Variants in GLYATL2 observed in about 807,000 individuals in gnomAD.
GLYATL2 encodes glycine N-acyltransferase-like protein 2.
Under a neutral mutation model 21.4 loss-of-function variants are expected in GLYATL2, and 25 were observed. The ratio of observed to expected loss-of-function variants is 1.17; its 90% CI spans 0.85 to 1.63. The LOEUF (loss-of-function observed/expected upper bound fraction) is 1.63, where lower values mean the gene tolerates loss of function less well. GLYATL2 is among the 40% of genes most tolerant of loss of function. GLYATL2 has a pLI of 0.00. For missense variants in GLYATL2, 361 were observed against 343.3 expected (o/e 1.05, Z -0.41); for synonymous variants, 114 against 118.2 (o/e 0.96, Z 0.23).
At chr11:58,871,720 T>G (rs1422186917) in intron 1 of GLYATL2, among the ~76,000 whole-genome samples, 1 of 152,176 alleles carries the variant, frequency 6.6e-6, no homozygotes, top group Non-Finnish European at 1.5e-5. Context: ...TCTTTGCTAT[T>G]GTGAATAGTG....
At chr11:58,902,427 A>C (rs2134630894) in intron 1 of GLYATL2, among the ~76,000 whole-genome samples, 1 of 152,204 alleles carries the variant, frequency 6.6e-6, no homozygotes, top group South Asian at 2.1e-4. Context: ...GTCCAAATAT[A>C]AATCTCATTC....
chr11:58,907,525 C>G (rs1854930073), upstream of GLYATL2: 1 of 367,820 alleles, frequency 2.7e-6, no homozygotes. Context: ...AAATCCAGTC[C>G]CTGTTACTCC....
intron 1 of GLYATL2, among the ~76,000 whole-genome samples, chr11:58,900,231 C>T: frequency 6.6e-6 from 1 of 152,166 alleles, no homozygotes; most frequent in African/African-American, 2.4e-5. Flanking sequence ...GCAGGACATG[C>T]ATGCATTGAA....
chr11:58,901,640 C>T (rs768509080), intron 1 of GLYATL2, among the ~76,000 whole-genome samples: 2 of 150,764 alleles, frequency 1.3e-5, no homozygotes, highest in Non-Finnish European at 2.9e-5. Context: ...CCTAAGAAAA[C>T]GTGAAGCTCT....
intron 1 of GLYATL2, among the ~76,000 whole-genome samples, chr11:58,850,826 C>T (rs1177396989): frequency 6.6e-6 from 1 of 152,030 alleles, no homozygotes; most frequent in Non-Finnish European, 1.5e-5. Flanking sequence ...CAGGCCCACC[C>T]ACAGTTATCT....
At chr11:58,846,986 C>T (rs1853655592), upstream of GLYATL2, among the ~76,000 whole-genome samples, 2 of 152,006 alleles carry the variant, frequency 1.3e-5, no homozygotes, top group Non-Finnish European at 2.9e-5. Context: ...CATCTTGCAT[C>T]TTGGATATCA....
At chr11:58,872,989 G>A (rs1242850791) in intron 1 of GLYATL2, among the ~76,000 whole-genome samples, 1 of 152,084 alleles carries the variant, frequency 6.6e-6, no homozygotes, top group African/African-American at 2.4e-5. Context: ...TCTCCTTGAA[G>A]AGGTCCTTCA....
At chr11:58,874,856 G>C (rs1447198300) in intron 1 of GLYATL2, among the ~76,000 whole-genome samples, 4 of 152,138 alleles carry the variant, frequency 2.6e-5, no homozygotes, top group Non-Finnish European at 4.4e-5. Context: ...TTGACTTTCT[G>C]TCTCGTTGAT....
chr11:58,876,888 T>C (rs1426575961), intron 1 of GLYATL2, among the ~76,000 whole-genome samples: 1 of 152,228 alleles, frequency 6.6e-6, no homozygotes, highest in Non-Finnish European at 1.5e-5. Flanking sequence ...CCCTCAGAGG[T>C]AGAGCCTACA....
intron 1 of GLYATL2, among the ~76,000 whole-genome samples, chr11:58,854,240 A>G (rs1853790062): frequency 6.6e-6 from 1 of 152,184 alleles, no homozygotes; most frequent in African/African-American, 2.4e-5. Context: ...TGTCTTGGCT[A>G]TTGTGAATAA....
At chr11:58,845,267 T>G (rs1853622396), upstream of GLYATL2, among the ~76,000 whole-genome samples, 1 of 152,180 alleles carries the variant, frequency 6.6e-6, no homozygotes, top group Non-Finnish European at 1.5e-5. Flanking sequence ...AACATTACAT[T>G]TTGAAGACAT....
intron 1 of GLYATL2, among the ~76,000 whole-genome samples, chr11:58,851,467 A>G (rs2134586899): frequency 6.6e-6 from 1 of 152,190 alleles, no homozygotes; most frequent in South Asian, 2.1e-4. Flanking sequence ...AATCTTTCTA[A>G]TGTTATTGTT....
chr11:58,842,969 G>A (rs1431252630), intron 1 of GLYATL2, among the ~76,000 whole-genome samples: 1 of 152,094 alleles, frequency 6.6e-6, no homozygotes, highest in Non-Finnish European at 1.5e-5. Context: ...TATATTAGAA[G>A]TGTTTGGGTT....
At chr11:58,905,807 G>A (rs575766584), upstream of GLYATL2, 6 of 383,976 alleles carry the variant, frequency 1.6e-5, 1 homozygote, top group African/African-American at 1.0e-4. Flanking sequence ...GAGCGCGTGC[G>A]CCCAGGCGTG....
upstream of GLYATL2, among the ~76,000 whole-genome samples, chr11:58,847,705 A>G (rs557782425): frequency 2.0e-5 from 3 of 151,970 alleles, no homozygotes; most frequent in African/African-American, 7.3e-5. Flanking sequence ...AATGTTTTTG[A>G]CTCTAGTCCT....
chr11:58,878,432 T>C (rs1429947859), intron 1 of GLYATL2: 6 of 421,824 alleles, frequency 1.4e-5, no homozygotes, highest in African/African-American at 2.1e-5. Flanking sequence ...TTTTGAGCTC[T>C]CTGAATTTCC....
chr11:58,892,817 C>T (rs1403243782), intron 1 of GLYATL2: 4 of 320,554 alleles, frequency 1.2e-5, no homozygotes, highest in Non-Finnish European at 2.5e-5. Context: ...TGAGATAGGC[C>T]ACCCAGATGA....
At chr11:58,840,503 T>C (rs956666751) in intron 1 of GLYATL2, among the ~76,000 whole-genome samples, 1 of 152,114 alleles carries the variant, frequency 6.6e-6, no homozygotes, top group African/African-American at 2.4e-5. Flanking sequence ...AAAACGTCTG[T>C]GTTACAAAGT....
upstream of GLYATL2, among the ~76,000 whole-genome samples, chr11:58,845,793 T>C (rs1210386190): frequency 1.3e-5 from 2 of 152,180 alleles, no homozygotes; most frequent in Non-Finnish European, 2.9e-5. Flanking sequence ...AAATATCGAA[T>C]TATTTTAATG....
Sources: allele counts gnomAD v4.1 joint callset (sites outside exome capture counted in the v4.1 genomes callset), GRCh38; gene constraint gnomAD v4.1.1; transcripts MANE v1.5; gene names NCBI Gene and HGNC (gene_info 2026-07-23, HGNC 2026-07-21).